Variants in ST13 observed in about 807,000 individuals in gnomAD.
ST13 encodes the protein hsc70-interacting protein.
A neutral mutation model predicts 56.7 loss-of-function variants in ST13; 23 were observed. That is an observed-to-expected ratio of 0.41 (90% CI 0.29 to 0.57). ST13 has a LOEUF of 0.57. Among genes scored for constraint, ST13 ranks in the 20% least tolerant of loss-of-function variants. The pLI is 0.36. For missense variants in ST13, 369 were observed against 459.9 expected (o/e 0.80, Z 1.81); for synonymous variants, 132 against 142.4 (o/e 0.93, Z 0.52).
At chr22:40,851,581 G>A (rs1434662548) in intron 1 of ST13, among the ~76,000 whole-genome samples, 3 of 152,044 alleles carry the variant, frequency 2.0e-5, no homozygotes, top group East Asian at 1.9e-4. Context: ...ATAGTATATG[G>A]GCTACCTGCA....
At position 40,835,633 on chromosome 22, in the gene ST13, G is replaced by C. The variant is rs749727037; in HGVS notation, c.505C>G (p.Arg169Gly). ...VKLQKPNAAIRDCDRAIEINP... is the reference protein window; with the variant it reads ...VKLQKPNAAIGDCDRAIEINP... ...ATTTCAATGGCTCTGTCACAGTCTC[G>C]GATGGCAGCATTTGGCTTCTGTAAT... The change falls in exon 7 of 12, where the codon CGA becomes GGA. Residue 169 changes from arginine (R) to glycine (G), a missense_variant. By Grantham distance (125) the Arg-to-Gly change is moderately radical. This residue lies in a region of ST13 where 64 missense variants were observed against 125.1 expected (regional missense o/e 0.51). Transcript: ENST00000216218. 1 of 1,613,814 alleles carries C rather than the reference G, an allele frequency of 6.2e-7. No individual in the cohort carries two copies. Among genetic ancestry groups the C allele is most frequent in the Non-Finnish European group, 8.5e-7 (1 of 1,180,002 alleles).
chr22:40,846,268 T>G (rs1390455800), intron 3 of ST13, among the ~76,000 whole-genome samples: 1 of 152,194 alleles, frequency 6.6e-6, no homozygotes, highest in South Asian at 2.1e-4. Flanking sequence ...TGTTTCACTT[T>G]ACTGCACCTC....
At chr22:40,826,999 TA>T (rs1602646914) in intron 11 of ST13, 96 bp downstream of exon 11, 3 of 1,365,254 alleles carry the variant, frequency 2.2e-6, no homozygotes, top group Non-Finnish European at 1.0e-6. Flanking sequence ...CTGTGATAAA[TA>T]AAAAATAGCT....
At chr22:40,828,220 G>T (rs2057737581) in intron 10 of ST13, among the ~76,000 whole-genome samples, 1 of 152,096 alleles carries the variant, frequency 6.6e-6, no homozygotes, top group Non-Finnish European at 1.5e-5. Flanking sequence ...AGTATAATTT[G>T]TTCGATTATA....
At chr22:40,846,573 T>A (rs1447972855) in intron 3 of ST13, among the ~76,000 whole-genome samples, 1 of 152,166 alleles carries the variant, frequency 6.6e-6, no homozygotes, top group Admixed American at 6.5e-5. Flanking sequence ...GGTTAAAAAA[T>A]TTATTGTAGT....
intron 3 of ST13, 62 bp from the exon 4 acceptor site, chr22:40,844,971 G>A (rs2057823775): frequency 8.3e-7 from 1 of 1,204,332 alleles, no homozygotes; most frequent in Non-Finnish European, 1.2e-6. Context: ...CCACTCCCAA[G>A]ATTATTAAAA....
Position 40,856,563 on chromosome 22 carries a change from C to G in ST13, c.-23G>C, listed in dbSNP as rs745617104. The G allele has an allele frequency of 5.0e-6, 8 of 1,597,080 alleles. No individual in the cohort carries two copies. In the Admixed American group the frequency reaches 8.3e-5, roughly 17 times the overall value. ...CATGGTAGGGAGGTGGTGGGCGAAA[C>G]TGGGGGGGCTACGGCCCGGTTCCAG... On this transcript the variant is annotated 5_prime_UTR_variant, in exon 1 of 12. Transcript: ENST00000216218.
At chr22:40,840,879 A>G (rs762788453) in intron 4 of ST13, among the ~76,000 whole-genome samples, 187 bp from the exon 5 acceptor site, 6 of 152,152 alleles carry the variant, frequency 3.9e-5, no homozygotes, top group Non-Finnish European at 8.8e-5. Context: ...TTAACCTTTT[A>G]TACTAAACAA....
chr22:40,835,108 G>A (rs960103763), intron 7 of ST13, among the ~76,000 whole-genome samples: 2 of 152,202 alleles, frequency 1.3e-5, no homozygotes, highest in African/African-American at 4.8e-5. Flanking sequence ...AGCAGTGACT[G>A]AAGTAGTTTC....
At chr22:40,830,800 G>T in intron 9 of ST13, 40 bp downstream of exon 9, 2 of 1,324,938 alleles carry the variant, frequency 1.5e-6, no homozygotes, top group Non-Finnish European at 2.1e-6. Context: ...TACATAATTT[G>T]CCGTATTTTC....
intron 5 of ST13, among the ~76,000 whole-genome samples, chr22:40,836,295 C>CA (rs1164760820): frequency 1.3e-5 from 2 of 152,062 alleles, no homozygotes; most frequent in African/African-American, 2.4e-5. Context: ...CTAAAAAATA[C>CA]AAAAAATTAG....
chr22:40,850,717 C>A, intron 2 of ST13, 106 bp downstream of exon 2: 2 of 812,252 alleles, frequency 2.5e-6, no homozygotes, highest in Non-Finnish European at 2.0e-6. Flanking sequence ...TCCAAGTGAT[C>A]TTGGGGAAAT....
At chr22:40,829,377 G>C (rs973454393) in intron 10 of ST13, among the ~76,000 whole-genome samples, 1 of 152,006 alleles carries the variant, frequency 6.6e-6, no homozygotes, top group African/African-American at 2.4e-5. Context: ...CTGTCCTCTG[G>C]TATTCAAAGA....
At chr22:40,844,048 T>C (rs964788486) in intron 4 of ST13, among the ~76,000 whole-genome samples, 6 of 151,996 alleles carry the variant, frequency 3.9e-5, no homozygotes, top group Non-Finnish European at 7.4e-5. Flanking sequence ...ATGCCTGGCT[T>C]ATTTTTGTAT....
intron 7 of ST13, 85 bp downstream of exon 7, chr22:40,835,475 T>C (rs2057772826): frequency 2.5e-6 from 3 of 1,193,648 alleles, no homozygotes; most frequent in African/African-American, 1.5e-5. Context: ...ATTAGGAACT[T>C]TTGTGTTTTT....
chr22:40,827,245 A>G lies in ST13; in HGVS notation c.848-16T>C, dbSNP rs915164818. The G allele has an allele frequency of 6.2e-7, 1 of 1,612,770 alleles. No individual in the cohort carries two copies. ...GGAAAGCCACCTGTAATAAAAAATGAATAGACACTAATCATACTCCCAAAT... is the reference window on the plus strand; with the variant it reads ...GGAAAGCCACCTGTAATAAAAAATGGATAGACACTAATCATACTCCCAAAT... On this transcript the variant is annotated splice_polypyrimidine_tract_variant and intron_variant, in intron 10 of 11. Transcript: ENST00000216218.
chr22:40,837,827 T>C (rs73172893), intron 5 of ST13, among the ~76,000 whole-genome samples: 4 of 152,254 alleles, frequency 2.6e-5, no homozygotes, highest in South Asian at 4.1e-4. Flanking sequence ...ATTTTTTGTG[T>C]TTAAGAGATG....
At chr22:40,836,635 T>C (rs185404820) in intron 5 of ST13, among the ~76,000 whole-genome samples, 1 of 152,160 alleles carries the variant, frequency 6.6e-6, no homozygotes, top group Admixed American at 6.5e-5. Context: ...AATATGCTTA[T>C]TATTTGAATT....
intron 5 of ST13, among the ~76,000 whole-genome samples, chr22:40,840,142 T>C (rs1217818131): frequency 6.6e-6 from 1 of 152,062 alleles, no homozygotes; most frequent in Non-Finnish European, 1.5e-5. Flanking sequence ...AGAGTGAGAA[T>C]CCGTCTCAAA....
Sources: allele counts gnomAD v4.1 joint callset (sites outside exome capture counted in the v4.1 genomes callset), GRCh38; gene constraint gnomAD v4.1.1; regional missense constraint gnomAD v4.1.1; transcripts MANE v1.5; gene names NCBI Gene and HGNC (gene_info 2026-07-23, HGNC 2026-07-21).